The following LEPR variants were observed in gnomAD, a reference collection of about 807,000 sequenced individuals.
LEPR encodes the protein leptin receptor.
A neutral mutation model predicts 114.7 loss-of-function variants in LEPR; 56 were observed. That is an observed-to-expected ratio of 0.49 (90% confidence interval 0.39 to 0.61). LEPR has a LOEUF of 0.61. Ranked by LOEUF, LEPR falls within the 20% of genes least tolerant of loss-of-function variation. LEPR has a pLI of 0.00. For missense variants in LEPR, 1,202 were observed against 1,352.9 expected (o/e 0.89, Z 1.75); for synonymous variants, 443 against 461.4 (o/e 0.96, Z 0.51).
At chr1:65,592,090 C>T (rs1219110448) in intron 5 of LEPR, among the ~76,000 whole-genome samples, 1 of 151,892 alleles carries the variant, frequency 6.6e-6, no homozygotes, top group Non-Finnish European at 1.5e-5. Context: ...AAATTTCTCC[C>T]CTCCCAAGCT....
intron 19 of LEPR, among the ~76,000 whole-genome samples, chr1:65,628,921 C>T (rs1416193396): frequency 2.6e-5 from 4 of 152,134 alleles, no homozygotes; most frequent in South Asian, 2.1e-4. Flanking sequence ...TCCACCCCTC[C>T]GTACCCTTAG....
intron 3 of LEPR, among the ~76,000 whole-genome samples, chr1:65,565,956 A>G (rs574621114): frequency 1.3e-5 from 2 of 152,072 alleles, no homozygotes; most frequent in Non-Finnish European, 2.9e-5. Flanking sequence ...GTTGTTCTGG[A>G]TGTTTATTTT....
At chr1:65,489,081 G>A (rs1021688980) in intron 2 of LEPR, among the ~76,000 whole-genome samples, 1 of 152,160 alleles carries the variant, frequency 6.6e-6, no homozygotes, top group Admixed American at 6.5e-5. Flanking sequence ...CAATAAGCAT[G>A]TGAGTGCAGA....
chr1:65,434,425 T>A, intron 2 of LEPR: 8 of 985,432 alleles, frequency 8.1e-6, no homozygotes, highest in Non-Finnish European at 8.4e-6. Context: ...AATAATCTTA[T>A]GAAGGGATTC....
intron 5 of LEPR, chr1:65,576,512 T>TG (rs1487629620): frequency 6.5e-6 from 1 of 154,354 alleles, no homozygotes; most frequent in African/African-American, 2.5e-5. Context: ...TGAAGGACTT[T>TG]GGGGCATTTT....
rs1374114587 is a variant in LEPR, at chr1:65,564,583, C to T, written c.-20-963C>T. On this transcript the variant is annotated intron_variant, in intron 2 of 19. Transcript: ENST00000349533. ...CGGCCATCTTGGCTCCTCCGTGAAT[C>T]CGTTTCTTAATGTTTTACACTATTC... 2.2e-5 allele frequency among the ~76,000 whole-genome samples: 2 copies of T among 91,718 alleles called. 1 individual carries two copies. The allele number at this position is 91,718 out of a possible 152,430, so 60.2% of individuals were successfully genotyped here.
chr1:65,588,612 C>G lies in LEPR; in HGVS notation c.495-4045C>G, dbSNP rs79273326. Among the ~76,000 whole-genome samples, 797 of 152,150 alleles carry G rather than the reference C, an allele frequency of 5.2e-3. 9 individuals carry two copies. The highest frequency in any genetic ancestry group is 8.8e-3 in the Non-Finnish European group (597 of 67,950). Reference sequence around the variant, plus strand: ...TCCTCCTCCCACCCCACCTCTGTCCCCAGGGAATGGCTGATCTGATTTCTA... The same window carrying G: ...TCCTCCTCCCACCCCACCTCTGTCCGCAGGGAATGGCTGATCTGATTTCTA... On this transcript the variant is annotated intron_variant, in intron 5 of 19. Transcript: ENST00000349533.
chr1:65,482,274 A>T (rs1417586130), intron 2 of LEPR, among the ~76,000 whole-genome samples: 1 of 152,162 alleles, frequency 6.6e-6, no homozygotes, highest in African/African-American at 2.4e-5. Context: ...ATATTTTGAG[A>T]TGCTGTATCT....
chr1:65,427,424 A>G (rs1646400944), intron 2 of LEPR, among the ~76,000 whole-genome samples: 2 of 152,114 alleles, frequency 1.3e-5, no homozygotes, highest in Admixed American at 6.5e-5. Flanking sequence ...AACTAAAATA[A>G]GCCAGGCATG....
chr1:65,635,936 A>G (rs1000445725), intron 19 of LEPR, among the ~76,000 whole-genome samples: 1 of 152,202 alleles, frequency 6.6e-6, no homozygotes, highest in South Asian at 2.1e-4. Flanking sequence ...CAGAGAGGTT[A>G]GTGTACTTGT....
Position 65,601,880 on chromosome 1 carries a change from C to G in LEPR, c.1323C>G (p.Tyr441Ter). The G allele has an allele frequency of 6.2e-7, 1 of 1,613,564 alleles. No individual in the cohort carries two copies. The highest frequency in any genetic ancestry group is 8.5e-7 in the Non-Finnish European group (1 of 1,179,650). The change falls in exon 10 of 20, where the codon TAC becomes TAG. Residue 441 changes from tyrosine (Y) to a stop codon, truncating the protein, a stop_gained. Coordinates refer to ENST00000349533, the MANE Select transcript of LEPR (RefSeq NM_002303.6). LOFTEE classifies it high-confidence loss of function. ...NINISCETDGYLTKMTCRWST... is the reference protein window; with the variant it reads ...NINISCETDG Reference sequence around the variant, plus strand: ...ATATCTCATGTGAAACTGATGGGTACTTAACTAAAATGACTTGCAGATGGT... The same window carrying G: ...ATATCTCATGTGAAACTGATGGGTAGTTAACTAAAATGACTTGCAGATGGT...
intron 2 of LEPR, among the ~76,000 whole-genome samples, chr1:65,550,542 C>G (rs555261978): frequency 2.0e-5 from 3 of 152,204 alleles, no homozygotes; most frequent in African/African-American, 4.8e-5. Flanking sequence ...GCCCCAGCCT[C>G]GCTGCCGCCT....
intron 2 of LEPR, among the ~76,000 whole-genome samples, chr1:65,461,410 C>CA (rs1298250646): frequency 2.0e-5 from 3 of 152,030 alleles, no homozygotes; most frequent in Non-Finnish European, 2.9e-5. Flanking sequence ...GTTCAGAAAA[C>CA]AAAAAAATCA....
chr1:65,633,673 T>G lies in LEPR; in HGVS notation c.2674-2518T>G, dbSNP rs111401086. 3.4e-4 allele frequency: 337 copies of G among 985,934 alleles called. 4 individuals carry two copies. The African/African-American group carries it at 5.0e-3, about 15-fold the overall frequency. 61.1% of individuals were successfully genotyped at this position (985,934 alleles called of 1,614,324 possible). ...TCCAAACTTTTCCATTTTAGATTCC[T>G]TTATAGACACGTCAGCCTAAAAATC... is the stretch of plus-strand genomic sequence containing the variant. On this transcript the variant is annotated intron_variant, in intron 19 of 19. Transcript: ENST00000349533. This position sits in a 1 kb window ranked among gnomAD's most constrained non-coding sequence, Gnocchi z 4.1.
At chr1:65,516,350 A>T (rs1326349459) in intron 2 of LEPR, among the ~76,000 whole-genome samples, 1 of 152,056 alleles carries the variant, frequency 6.6e-6, no homozygotes, top group Non-Finnish European at 1.5e-5. Flanking sequence ...AGGCTGAGGC[A>T]GGAGAATCAC....
At chr1:65,421,098 GC>G (rs1225549596) in intron 1 of LEPR, among the ~76,000 whole-genome samples, 1 of 152,130 alleles carries the variant, frequency 6.6e-6, no homozygotes, top group Non-Finnish European at 1.5e-5. Flanking sequence ...CTGGTTTTCT[GC>G]CCCTCCGCAG....
intron 6 of LEPR, among the ~76,000 whole-genome samples, 162 bp downstream of exon 6, chr1:65,593,027 T>C (rs1655814351): frequency 6.6e-6 from 1 of 152,084 alleles, no homozygotes; most frequent in Admixed American, 6.6e-5. Context: ...TCTAGAATGA[T>C]TTAACAATGG....
At chr1:65,598,875 G>A (rs1656257237) in intron 8 of LEPR, 71 bp downstream of exon 8, 2 of 1,604,520 alleles carry the variant, frequency 1.2e-6, no homozygotes, top group Non-Finnish European at 8.5e-7. Flanking sequence ...TATAGTATAA[G>A]CATCTTACAT....
chr1:65,555,205 G>T (rs1291085736), intron 2 of LEPR, among the ~76,000 whole-genome samples: 1 of 152,138 alleles, frequency 6.6e-6, no homozygotes, highest in Non-Finnish European at 1.5e-5. Flanking sequence ...TGTTCTTCTT[G>T]CTAAATTTAT....
Sources: allele counts gnomAD v4.1 joint callset (sites outside exome capture counted in the v4.1 genomes callset), GRCh38; gene constraint gnomAD v4.1.1; non-coding constraint Gnocchi (gnomAD v3.1); transcripts MANE v1.5; gene names NCBI Gene and HGNC (gene_info 2026-07-23, HGNC 2026-07-21).